MCOLN2: variants seen among roughly 807,000 people sequenced by gnomAD.
The protein encoded by MCOLN2 is mucolipin TRP cation channel 2, also known as mucolipin-2.
In MCOLN2, 57 loss-of-function variants were observed where a neutral mutation model predicts 67.5. The ratio of observed to expected loss-of-function variants is 0.84; its 90% CI spans 0.68 to 1.05. MCOLN2 has a LOEUF of 1.05. Ranked by LOEUF, MCOLN2 falls within the 50% of genes least tolerant of loss-of-function variation. The pLI, the probability that MCOLN2 is intolerant of heterozygous loss-of-function variation, is 0.00. For missense variants in MCOLN2, 620 were observed against 678.8 expected (o/e 0.91, Z 0.96); for synonymous variants, 246 against 233.3 (o/e 1.05, Z -0.50).
intron 6 of MCOLN2, among the ~76,000 whole-genome samples, chr1:84,951,289 C>G (rs1306121353): frequency 6.6e-6 from 1 of 152,162 alleles, no homozygotes; most frequent in African/African-American, 2.4e-5. Context: ...GAATGAAACA[C>G]TCTTCTGAAT....
intron 2 of MCOLN2, among the ~76,000 whole-genome samples, chr1:84,963,388 G>A (rs1362184451): frequency 6.6e-6 from 1 of 152,176 alleles, no homozygotes; most frequent in Admixed American, 6.5e-5. Context: ...TAAAGAGTCT[G>A]TGCTAGAGAG....
At chr1:84,929,513 A>G in intron 13 of MCOLN2, 45 bp downstream of exon 13, 1 of 1,539,200 alleles carries the variant, frequency 6.5e-7, no homozygotes, top group Non-Finnish European at 8.8e-7. Context: ...TTAAGACAAC[A>G]GAACAGCCCA....
At chr1:84,940,386 G>C (rs1286942953) in intron 8 of MCOLN2, among the ~76,000 whole-genome samples, 2 of 152,208 alleles carry the variant, frequency 1.3e-5, no homozygotes, top group African/African-American at 4.8e-5. Flanking sequence ...ATATTCATAA[G>C]AGCCCTGAGG....
chr1:84,977,517 C>G (rs900858685), intron 1 of MCOLN2, among the ~76,000 whole-genome samples: 1 of 151,780 alleles, frequency 6.6e-6, no homozygotes, highest in Non-Finnish European at 1.5e-5. Flanking sequence ...TAAAGACACA[C>G]ATAGACTGAA....
At chr1:84,978,830 A>ATATTAAGTATTATATATGTAAGTAT in intron 1 of MCOLN2, among the ~76,000 whole-genome samples, 1 of 152,030 alleles carries the variant, frequency 6.6e-6, no homozygotes, top group Admixed American at 6.5e-5. Flanking sequence ...ACATATACAT[A>ATATTAAGTATTATATATGTAAGTAT]TATACATATA....
intron 4 of MCOLN2, among the ~76,000 whole-genome samples, 160 bp downstream of exon 4, chr1:84,956,271 G>A (rs189596137): frequency 1.3e-5 from 2 of 152,210 alleles, no homozygotes; most frequent in East Asian, 3.9e-4. Flanking sequence ...ACAGTTTCCT[G>A]AGCCAAAGCC....
At chr1:84,955,848 CA>C (rs1199743530) in intron 4 of MCOLN2, among the ~76,000 whole-genome samples, 1 of 151,972 alleles carries the variant, frequency 6.6e-6, no homozygotes, top group Non-Finnish European at 1.5e-5. Context: ...AACAACAAAA[CA>C]ATAAAATAAT....
rs371240580 is a variant in MCOLN2, at chr1:84,952,313, T to C, written c.677A>G (p.His226Arg). 1.2e-5 allele frequency: 19 copies of C among 1,613,468 alleles called. No individual in the cohort carries two copies. Among genetic ancestry groups the C allele is most frequent in the Middle Eastern group, 1.6e-4 (1 of 6,084 alleles). ...YRLLQVEISFHLKGIDLQTIH... is the reference protein window; with the variant it reads ...YRLLQVEISFRLKGIDLQTIH... The stretch of plus-strand genomic sequence containing the variant: ...TGTCTGTAGGTCAATGCCTTTAAGA[T>C]GAAAGGAGATTTCAACCTGTAAGAG... The change falls in exon 6 of 14, where the codon CAT (histidine) becomes CGT (arginine). Residue 226 changes from histidine (H) to arginine (R), a missense_variant. By Grantham distance (29) the His-to-Arg change is conservative. Coordinates refer to ENST00000370608, the MANE Select transcript of MCOLN2 (RefSeq NM_153259.4).
intron 13 of MCOLN2, among the ~76,000 whole-genome samples, chr1:84,929,041 G>C (rs182817085): frequency 2.7e-3 from 412 of 152,238 alleles, no homozygotes; most frequent in African/African-American, 9.6e-3. Context: ...CTGAGGTCTA[G>C]ACCATTTCTC....
intron 3 of MCOLN2, among the ~76,000 whole-genome samples, chr1:84,958,145 G>A (rs574769534): frequency 4.1e-4 from 62 of 152,158 alleles, no homozygotes; most frequent in African/African-American, 1.4e-3. Flanking sequence ...GGACTCAAAG[G>A]ATCAACCCAC....
At chr1:84,939,042 G>C (rs1487361821) in intron 9 of MCOLN2, among the ~76,000 whole-genome samples, 1 of 152,194 alleles carries the variant, frequency 6.6e-6, no homozygotes, top group Non-Finnish European at 1.5e-5. Context: ...AGGAGGTGTG[G>C]CTGGAGGGAC....
intron 13 of MCOLN2, among the ~76,000 whole-genome samples, chr1:84,929,155 C>A (rs1012339435): frequency 6.6e-6 from 1 of 152,234 alleles, no homozygotes; most frequent in Non-Finnish European, 1.5e-5. Context: ...AAGGAAGTTT[C>A]CTGCTCTCAT....
chr1:84,930,965 T>G (rs1189743715), intron 12 of MCOLN2, among the ~76,000 whole-genome samples: 1 of 152,172 alleles, frequency 6.6e-6, no homozygotes, highest in African/African-American at 2.4e-5. Context: ...CCAGTAGCTG[T>G]ATTATCCAGT....
At chr1:84,939,994 C>T (rs1570958677) in intron 8 of MCOLN2, among the ~76,000 whole-genome samples, 1 of 152,162 alleles carries the variant, frequency 6.6e-6, no homozygotes, top group South Asian at 2.1e-4. Context: ...ATTACCAACA[C>T]ATCCATTCCG....
At chr1:84,937,316 C>A (rs912341081) in intron 11 of MCOLN2, 1 of 153,296 alleles carries the variant, frequency 6.5e-6, no homozygotes, top group East Asian at 1.9e-4. Flanking sequence ...CCATTTCTAT[C>A]GTAAACCTAC....
chr1:84,990,494 T>C (rs895929186), intron 1 of MCOLN2, among the ~76,000 whole-genome samples: 61 of 152,134 alleles, frequency 4.0e-4, no homozygotes, highest in African/African-American at 1.4e-3. Flanking sequence ...AATTTTAAAA[T>C]AATGAGTTAG....
At chr1:84,996,538 G>A (rs1445320370) in intron 1 of MCOLN2, among the ~76,000 whole-genome samples, 1 of 151,692 alleles carries the variant, frequency 6.6e-6, no homozygotes, top group Non-Finnish European at 1.5e-5. Context: ...GGGCCCGCTG[G>A]CAGCGCCAAC....
chr1:84,974,784 C>T (rs145994768), intron 1 of MCOLN2, among the ~76,000 whole-genome samples: 5 of 152,186 alleles, frequency 3.3e-5, no homozygotes, highest in Non-Finnish European at 5.9e-5. Flanking sequence ...CTGGACCTTC[C>T]GTGGGCCAGA....
intron 2 of MCOLN2, 111 bp from the exon 3 acceptor site, chr1:84,958,813 AT>A (rs1164653761): frequency 1.6e-4 from 128 of 819,744 alleles, no homozygotes; most frequent in Middle Eastern, 3.7e-4. Flanking sequence ...AATAATATCA[AT>A]TTTTTTTGGT....
Sources: allele counts gnomAD v4.1 joint callset (sites outside exome capture counted in the v4.1 genomes callset), GRCh38; gene constraint gnomAD v4.1.1; transcripts MANE v1.5; gene names NCBI Gene and HGNC (gene_info 2026-07-23, HGNC 2026-07-21).